The following FAM107A variants were observed in gnomAD, a reference collection of about 807,000 sequenced individuals.
FAM107A encodes family with sequence similarity 107 member A.
FAM107A carries 19 observed loss-of-function variants against 13.7 expected under a neutral mutation model. The ratio of observed to expected loss-of-function variants is 1.38; its 90% CI spans 0.97 to 2.03. FAM107A has a LOEUF of 2.03. Among genes scored for constraint, FAM107A ranks in the 30% most tolerant of loss-of-function variants. The probability of loss-of-function intolerance (pLI) is 0.00; values close to 1 mark genes in which losing one functional copy is unlikely to be tolerated. For missense variants in FAM107A, 203 were observed against 184.4 expected (o/e 1.10, Z -0.58); for synonymous variants, 82 against 74.5 (o/e 1.10, Z -0.52).
chr3:58,621,550 G>A (rs891309098), intron 1 of FAM107A, among the ~76,000 whole-genome samples: 1 of 152,236 alleles, frequency 6.6e-6, no homozygotes, highest in East Asian at 1.9e-4. Context: ...TCTGTTCCCA[G>A]ATGGGGACAC....
At chr3:58,582,274 C>G (rs534846963), upstream of FAM107A, among the ~76,000 whole-genome samples, 1 of 152,336 alleles carries the variant, frequency 6.6e-6, no homozygotes, top group South Asian at 2.1e-4. Context: ...TCAGATGGAA[C>G]TGAGTGCCCT....
upstream of FAM107A, among the ~76,000 whole-genome samples, chr3:58,579,220 G>A (rs2063753162): frequency 6.6e-6 from 1 of 152,090 alleles, no homozygotes; most frequent in Non-Finnish European, 1.5e-5. Context: ...GCCCAGACTG[G>A]GTGGATCCTG....
At chr3:58,602,067 T>C (rs1160486248) in intron 1 of FAM107A, among the ~76,000 whole-genome samples, 2 of 151,978 alleles carry the variant, frequency 1.3e-5, no homozygotes, top group Non-Finnish European at 2.9e-5. Flanking sequence ...TTTGAGAGCT[T>C]GTGAAATAAC....
At chr3:58,579,366 A>G (rs987303137), upstream of FAM107A, among the ~76,000 whole-genome samples, 5 of 152,124 alleles carry the variant, frequency 3.3e-5, no homozygotes, top group Non-Finnish European at 7.4e-5. Context: ...TTAAACTAAG[A>G]GGGTCCTAAA....
chr3:58,619,636 C>T (rs1474455973), intron 1 of FAM107A, among the ~76,000 whole-genome samples: 1 of 152,242 alleles, frequency 6.6e-6, no homozygotes, highest in Non-Finnish European at 1.5e-5. Flanking sequence ...ATCTGCTTCC[C>T]TCATCATAGT....
At chr3:58,589,232 T>C (rs1027042355), upstream of FAM107A, 5 of 1,535,308 alleles carry the variant, frequency 3.3e-6, no homozygotes, top group African/African-American at 6.8e-5. Context: ...CTGCTTCTCA[T>C]TTTCACTATG....
intron 1 of FAM107A, among the ~76,000 whole-genome samples, chr3:58,596,476 G>A (rs576031783): frequency 2.6e-5 from 4 of 152,296 alleles, no homozygotes; most frequent in Admixed American, 1.3e-4. Flanking sequence ...TCAGGAGTTC[G>A]AGACCAGCCT....
At chr3:58,576,554 T>C (rs1435200087) in intron 1 of FAM107A, among the ~76,000 whole-genome samples, 3 of 152,242 alleles carry the variant, frequency 2.0e-5, no homozygotes, top group Admixed American at 1.3e-4. Flanking sequence ...CACCCAGAGA[T>C]GCAGGCGTGG....
intron 1 of FAM107A, among the ~76,000 whole-genome samples, chr3:58,608,434 A>G (rs548909525): frequency 6.6e-6 from 1 of 152,340 alleles, no homozygotes; most frequent in Non-Finnish European, 1.5e-5. Flanking sequence ...CCTAGGCCAG[A>G]TCTTTTCCCA....
At chr3:58,611,839 T>C (rs7652223) in intron 1 of FAM107A, among the ~76,000 whole-genome samples, 141,462 of 152,308 alleles carry the variant, frequency 0.93, 65,838 homozygotes, top group Non-Finnish European at 0.96. Context: ...TTGGATAGAG[T>C]TCTGCACATA....
At chr3:58,611,159 A>G (rs981244584) in intron 1 of FAM107A, among the ~76,000 whole-genome samples, 3 of 152,218 alleles carry the variant, frequency 2.0e-5, no homozygotes, top group African/African-American at 7.2e-5. Flanking sequence ...CCCCAGCCAT[A>G]TGGAACTGTG....
At chr3:58,577,402 T>A, upstream of FAM107A, 1 of 985,352 alleles carries the variant, frequency 1.0e-6, no homozygotes. The surrounding 1 kb of genome is among the most constrained non-coding windows in gnomAD (Gnocchi z 4.9). Flanking sequence ...GAGGGCTGCC[T>A]CTAGAGGGCG....
chr3:58,592,635 G>A (rs2065663236), intron 1 of FAM107A, among the ~76,000 whole-genome samples: 1 of 152,074 alleles, frequency 6.6e-6, no homozygotes, highest in South Asian at 2.1e-4. Flanking sequence ...TAGTCTCTTG[G>A]TATTCAGTGG....
At chr3:58,610,422 C>T (rs1402380594) in intron 1 of FAM107A, among the ~76,000 whole-genome samples, 1 of 152,138 alleles carries the variant, frequency 6.6e-6, no homozygotes, top group African/African-American at 2.4e-5. Context: ...TGGTAGAGTC[C>T]AAATTTGGAA....
chr3:58,592,415 C>T (rs1353277979), intron 1 of FAM107A, among the ~76,000 whole-genome samples: 1 of 152,202 alleles, frequency 6.6e-6, no homozygotes, highest in Non-Finnish European at 1.5e-5. Flanking sequence ...TGACTTTACT[C>T]ACATGCCCCG....
intron 1 of FAM107A, among the ~76,000 whole-genome samples, chr3:58,575,424 T>C (rs1021734217): frequency 6.6e-6 from 1 of 152,182 alleles, no homozygotes; most frequent in African/African-American, 2.4e-5. Context: ...TGGTCACCAC[T>C]AGAATTTGAT....
chr3:58,567,227 C>T lies in FAM107A; in HGVS notation c.308G>A (p.Arg103Gln), dbSNP rs750820423. 17 of 1,614,172 alleles carry T rather than the reference C, an allele frequency of 1.1e-5. No homozygotes were observed. Among genetic ancestry groups the T allele is most frequent in the East Asian group, 4.5e-5 (2 of 44,878 alleles). ...QCPFEQELLR[R>Q]QQRLNQLEKP... ...ACCCACCTGGTTCAGCCTCTGCTGC[C>T]GTCTCAGCAGCTCCTGCTCAAAGGG... Residue 103 changes from arginine (R) to glutamine (Q), a missense_variant, in exon 3 of 4, where the codon CGG becomes CAG. By Grantham distance (43) the Arg-to-Gln change is conservative (BLOSUM62 1). Transcript: ENST00000360997.
Position 58,569,896 on chromosome 3 carries a change from G to A in FAM107A, c.-5-31C>T. 1 of 1,601,668 alleles carries A rather than the reference G, an allele frequency of 6.2e-7. No individual in the cohort carries two copies. The highest frequency in any genetic ancestry group is 8.5e-7 in the Non-Finnish European group (1 of 1,174,014). ...GAGATGGGCAGAGGAGTAGCTCAGA[G>A]CTGAGCCTATAATCTCACCCTGCCC... On this transcript the variant is annotated intron_variant, in intron 1 of 3. Coordinates refer to ENST00000360997, the MANE Select transcript of FAM107A (RefSeq NM_001076778.3). This position sits in a 1 kb window ranked among gnomAD's most constrained non-coding sequence, Gnocchi z 5.7.
At chr3:58,585,480 C>T (rs1486174833) in intron 1 of FAM107A, among the ~76,000 whole-genome samples, 1 of 152,240 alleles carries the variant, frequency 6.6e-6, no homozygotes. Flanking sequence ...GGCGGGATCT[C>T]CCCCAGGCGG....
Sources: gnomAD v4.1 joint callset for allele counts (sites outside exome capture counted in the v4.1 genomes callset) on GRCh38, gnomAD v4.1.1 for gene constraint, Gnocchi (gnomAD v3.1) non-coding constraint, MANE v1.5 for transcripts, NCBI Gene and HGNC (gene_info 2026-07-23, HGNC 2026-07-21) for gene names.